The following PMS2 variants were observed in gnomAD, a reference collection of about 807,000 sequenced individuals.
PMS2 encodes mismatch repair endonuclease PMS2.
Under a neutral mutation model 90.0 loss-of-function variants are expected in PMS2, and 69 were observed. That is an observed-to-expected ratio of 0.77 (90% CI 0.63 to 0.94). The LOEUF (loss-of-function observed/expected upper bound fraction) is 0.94, where lower values mean the gene tolerates loss of function less well. Among genes scored for constraint, PMS2 ranks in the 40% least tolerant of loss-of-function variants. The pLI, the probability that PMS2 is intolerant of heterozygous loss-of-function variation, is 0.00. For missense variants in PMS2, 966 were observed against 1,040.2 expected, an observed-to-expected ratio of 0.93 and a Z score of 0.98; for synonymous variants, 332 against 375.1, an observed-to-expected ratio of 0.89 and a Z score of 1.33.
chr7:6,000,934 T>C lies in PMS2; in HGVS notation c.537+1519A>G, dbSNP rs1785019532. On this transcript the variant is annotated intron_variant, in intron 5 of 14. Transcript: ENST00000265849. ...TGAACCCAGGAGGTGGAGGTTGCAG[T>C]GAGCCGAGATCGCACCACTGCACTC... Among the ~76,000 whole-genome samples, 3 of 152,216 alleles carry C rather than the reference T, an allele frequency of 2.0e-5. No homozygotes were observed. In the South Asian group the frequency reaches 6.2e-4, roughly 31 times the overall value.
At chr7:5,990,587 C>T (rs1783627883) in intron 9 of PMS2, among the ~76,000 whole-genome samples, 1 of 152,136 alleles carries the variant, frequency 6.6e-6, no homozygotes, top group African/African-American at 2.4e-5. Flanking sequence ...TTTAGCTTAA[C>T]AATTATAATA....
At chr7:5,979,840 AAC>A (rs1336581127) in intron 12 of PMS2, among the ~76,000 whole-genome samples, 1 of 118,176 alleles carries the variant, frequency 8.5e-6, no homozygotes, top group African/African-American at 3.0e-5. Flanking sequence ...GGATAAGACA[AAC>A]ACTGCTCAAG....
intron 2 of PMS2, among the ~76,000 whole-genome samples, chr7:6,005,503 C>T (rs2128840120): frequency 6.6e-6 from 1 of 152,266 alleles, no homozygotes; most frequent in Admixed American, 6.5e-5. Context: ...TATGCCTGGC[C>T]TACTTTATTT....
At chr7:5,976,484 TAC>T (rs1485568236) in intron 14 of PMS2, among the ~76,000 whole-genome samples, 6 of 152,142 alleles carry the variant, frequency 3.9e-5, no homozygotes, top group Admixed American at 2.6e-4. Context: ...GGCCAGCTGA[TAC>T]ACAGTCACTT....
chr7:5,997,545 T>C (rs1225416603), intron 6 of PMS2, 122 bp from the exon 7 acceptor site: 9 of 670,032 alleles, frequency 1.3e-5, no homozygotes, highest in East Asian at 8.2e-5. Flanking sequence ...AAGAATCTTT[T>C]GTTTTGTTTT....
In PMS2 at chr7:5,997,347, T is replaced by A; in HGVS notation, c.782A>T (p.Asp261Val). Reference protein sequence around the residue: ...VCEEYGLSCSDALHNLFYISG... With the variant: ...VCEEYGLSCSVALHNLFYISG... Reference sequence around the variant, plus strand: ...TTACTAAAAAAGATTATGCAGAGCATCGGAACAGCTCAAACCGTACTCTTC... The same window carrying A: ...TTACTAAAAAAGATTATGCAGAGCAACGGAACAGCTCAAACCGTACTCTTC... Residue 261 changes from aspartate (D) to valine (V), a missense_variant, in exon 7 of 15, where the codon GAT (aspartate) becomes GTT (valine). Asp to Val is a radical substitution (Grantham distance 152). Transcript: ENST00000265849. 6.3e-7 allele frequency: 1 copy of A among 1,577,270 alleles called. No homozygotes were observed. The highest frequency in any genetic ancestry group is 8.7e-7 in the Non-Finnish European group (1 of 1,148,036).
Position 5,989,946 on chromosome 7 carries a change from T to G in PMS2, c.998A>C (p.Asp333Ala), listed in dbSNP as rs1187390273. ...CCTTTTATCTGGAGTAACATTGATATCAACGCATTCTAAGGCAAAAAAGAA... is the reference window on the plus strand; with the variant it reads ...CCTTTTATCTGGAGTAACATTGATAGCAACGCATTCTAAGGCAAAAAAGAA... ...LNISVDSECV[D>A]INVTPDKRQI... The change falls in exon 10 of 15, where the codon GAT becomes GCT. Residue 333 changes from aspartate to alanine, a missense_variant. Asp to Ala is a moderately radical substitution (Grantham distance 126, BLOSUM62 -2). This residue lies in a region of PMS2 where 871 missense variants were observed against 802.4 expected (regional missense o/e 1.09). Transcript: ENST00000265849. 1.2e-6 allele frequency: 2 copies of G among 1,600,172 alleles called. No homozygotes were observed. The highest frequency in any genetic ancestry group is 1.7e-6 in the Non-Finnish European group (2 of 1,169,276).
intron 6 of PMS2, among the ~76,000 whole-genome samples, chr7:5,998,077 GTT>G (rs1181173881): frequency 7.6e-6 from 1 of 130,878 alleles, no homozygotes; most frequent in Non-Finnish European, 1.6e-5. Flanking sequence ...TAGGTACTTT[GTT>G]TTTTTTTTTT....
intron 2 of PMS2, among the ~76,000 whole-genome samples, chr7:6,005,516 C>A (rs1203250999): frequency 6.6e-6 from 1 of 152,084 alleles, no homozygotes; most frequent in Non-Finnish European, 1.5e-5. Context: ...CTTTATTTTT[C>A]AATAGAGACA....
Position 6,009,015 on chromosome 7 carries a change from T to C in PMS2, c.5A>G (p.Glu2Gly), listed in dbSNP as rs876658233. M[E>G]RAESSSTEPA... is the part of the protein sequence containing the mutation. ...CGCTCACCTCGAGCTCTCAGCTCGC[T>C]CCATGGATGCAACACCCGATCCGCC... The change falls in exon 1 of 15, where the codon GAG becomes GGG. Residue 2 changes from glutamate (E) to glycine (G), a missense_variant. Physicochemically the swap from Glu to Gly is moderately conservative, Grantham distance 98 (BLOSUM62 -2). Transcript: ENST00000265849. 11 of 1,612,542 alleles carry C rather than the reference T, an allele frequency of 6.8e-6. No individual in the cohort carries two copies. Among genetic ancestry groups the C allele is most frequent in the Non-Finnish European group, 9.3e-6 (11 of 1,179,834 alleles).
Position 5,989,814 on chromosome 7 carries a change from A to AGT in PMS2, c.1128_1129dup (p.Leu377HisfsTer9). The AGT allele has an allele frequency of 6.2e-7, 1 of 1,612,596 alleles. No homozygotes were observed. Among genetic ancestry groups the AGT allele is most frequent in the Non-Finnish European group, 8.5e-7 (1 of 1,178,806 alleles). ...ATTTTTCTTACCTTCAACATCCAGC[A>AGT]GTGGCTGCTGACTGACATTTAGCTT... On this transcript the variant is annotated frameshift_variant, in exon 10 of 15. Coordinates refer to ENST00000265849, the MANE Select transcript of PMS2 (RefSeq NM_000535.7). LOFTEE classifies it high-confidence loss of function.
intron 1 of PMS2, among the ~76,000 whole-genome samples, chr7:6,006,752 T>C (rs1361884886): frequency 3.9e-5 from 6 of 152,184 alleles, no homozygotes; most frequent in South Asian, 2.1e-4. Context: ...GTACCAGTTA[T>C]ATAACTATTC....
chr7:5,979,201 CAAAAAAA>C (rs60152367), intron 12 of PMS2, among the ~76,000 whole-genome samples: 1 of 49,460 alleles, frequency 2.0e-5, no homozygotes. Flanking sequence ...GACTCTGTCT[CAAAAAAA>C]AAAAAAAAAA....
intron 12 of PMS2, among the ~76,000 whole-genome samples, chr7:5,979,323 G>A (rs1782081805): frequency 1.4e-5 from 2 of 146,486 alleles, no homozygotes; most frequent in South Asian, 2.2e-4. Context: ...CCCAGGAGGT[G>A]GAGGTTGCAG....
At chr7:6,003,199 C>G (rs1583406111) in intron 4 of PMS2, 1 of 153,350 alleles carries the variant, frequency 6.5e-6, no homozygotes, top group East Asian at 1.9e-4. Flanking sequence ...GAGGCTCAGG[C>G]ACGAGAATCA....
intron 4 of PMS2, among the ~76,000 whole-genome samples, 168 bp from the exon 5 acceptor site, chr7:6,002,804 T>C (rs1199888686): frequency 2.0e-5 from 3 of 152,146 alleles, no homozygotes; most frequent in African/African-American, 7.2e-5. Context: ...AAATCTAAGG[T>C]TTGGCATCTA....
At chr7:5,976,103 G>T (rs532185268) in intron 14 of PMS2, among the ~76,000 whole-genome samples, 1 of 143,256 alleles carries the variant, frequency 7.0e-6, no homozygotes, top group African/African-American at 2.5e-5. Flanking sequence ...GCCAGGTGTG[G>T]TGGGTGCCTG....
intron 9 of PMS2, among the ~76,000 whole-genome samples, chr7:5,991,048 A>C (rs139507080): frequency 6.6e-6 from 1 of 152,184 alleles, no homozygotes. Context: ...GCAGATAATG[A>C]TTTAATTATA....
At chr7:6,004,980 C>A (rs1423160753) in intron 2 of PMS2, among the ~76,000 whole-genome samples, 1 of 151,976 alleles carries the variant, frequency 6.6e-6, no homozygotes, top group Non-Finnish European at 1.5e-5. Flanking sequence ...TCTTGGCTCA[C>A]TGCAGCCTCC....
Sources: gnomAD v4.1 joint callset for allele counts (sites outside exome capture counted in the v4.1 genomes callset) on GRCh38, gnomAD v4.1.1 for gene constraint, gnomAD v4.1.1 regional missense constraint, MANE v1.5 for transcripts, NCBI Gene and HGNC (gene_info 2026-07-23, HGNC 2026-07-21) for gene names.